Variants in STK3 observed in about 807,000 individuals in gnomAD.
STK3 encodes serine/threonine-protein kinase 3.
STK3 carries 41 observed loss-of-function variants against 58.0 expected under a neutral mutation model. That is an observed-to-expected ratio of 0.71 (90% CI 0.55 to 0.92). STK3 has a LOEUF of 0.92. STK3 is among the 40% of genes least tolerant of loss of function. The probability of loss-of-function intolerance (pLI) is 0.00; values close to 1 mark genes in which losing one functional copy is unlikely to be tolerated. For synonymous variants in STK3, 170 were observed against 191.0 expected (o/e 0.89, Z 0.91); for missense variants, 479 against 602.7 (o/e 0.79, Z 2.15).
At chr8:98,728,901 T>TATG (rs1024251409) in intron 4 of STK3, among the ~76,000 whole-genome samples, 6 of 152,152 alleles carry the variant, frequency 3.9e-5, no homozygotes, top group African/African-American at 1.4e-4. Context: ...GCAAACTTGA[T>TATG]ATGCCCTTAC....
rs777210656 is a variant in STK3, at chr8:98,723,944, A to C, written c.352-16633T>G. The stretch of plus-strand genomic sequence containing the variant: ...CAGTGTTAACAATGGTGATAACAAT[A>C]ACAGCTTGCATTTATTGAGTTCTTA... On this transcript the variant is annotated intron_variant, in intron 4 of 10. Coordinates refer to ENST00000419617, the MANE Select transcript of STK3 (RefSeq NM_006281.4). Among the ~76,000 whole-genome samples, 112 of 152,134 alleles carry C rather than the reference A, an allele frequency of 7.4e-4. 1 individual carries two copies. The highest frequency in any genetic ancestry group is 6.6e-4 in the Non-Finnish European group (45 of 68,004).
At chr8:98,347,243 G>A in the STK3 span, among the ~76,000 whole-genome samples, 26 of 151,982 alleles carry the variant, frequency 1.7e-4, no homozygotes, top group Non-Finnish European at 2.4e-4. Context: ...GGCCGGGCAC[G>A]GTGGCTCACG....
At chr8:98,385,261 G>T (rs993100676) in intron 1 of STK3, among the ~76,000 whole-genome samples, 2 of 152,152 alleles carry the variant, frequency 1.3e-5, no homozygotes, top group South Asian at 2.1e-4. Context: ...GTGGGGGTCG[G>T]GGGGAGGTCG....
chr8:98,836,128 G>T (rs897342428), intron 3 of STK3, among the ~76,000 whole-genome samples: 2 of 152,034 alleles, frequency 1.3e-5, no homozygotes, highest in Non-Finnish European at 2.9e-5. Flanking sequence ...TTGAACCCAG[G>T]AGGCAGAGGT....
intron 1 of STK3, among the ~76,000 whole-genome samples, chr8:98,819,949 T>A (rs1834779479): frequency 6.6e-6 from 1 of 152,188 alleles, no homozygotes; most frequent in African/African-American, 2.4e-5. Context: ...ATCTGCTATC[T>A]CTCTCCATTC....
At chr8:98,623,927 CTGT>C (rs1818518643) in intron 6 of STK3, among the ~76,000 whole-genome samples, 1 of 152,210 alleles carries the variant, frequency 6.6e-6, no homozygotes, top group Admixed American at 6.5e-5. Flanking sequence ...AGAAAATAAA[CTGT>C]TGTTGTTTAA....
At chr8:98,752,552 G>A (rs1018918879) in intron 3 of STK3, among the ~76,000 whole-genome samples, 12 of 151,916 alleles carry the variant, frequency 7.9e-5, no homozygotes, top group Non-Finnish European at 1.2e-4. Context: ...AAGATTTCAC[G>A]ACAAAGACAC....
In STK3 at chr8:98,708,448, G is replaced by A. The variant is rs569131509; in HGVS notation, c.352-1137C>T. ...TAACCCTTCCAAGTTCTGGACTTCT[G>A]ACCTAATATTGAGAACTCAGAAGAA... On this transcript the variant is annotated intron_variant, in intron 4 of 10. Transcript: ENST00000419617. Among the ~76,000 whole-genome samples, 2 of 152,012 alleles carry A rather than the reference G, an allele frequency of 1.3e-5. 1 individual carries two copies. The highest frequency in any genetic ancestry group is 4.2e-4 in the South Asian group (2 of 4,812).
chr8:98,841,650 C>G (rs952782386), intron 3 of STK3, among the ~76,000 whole-genome samples: 1 of 141,284 alleles, frequency 7.1e-6, no homozygotes, highest in Non-Finnish European at 1.5e-5. Flanking sequence ...CCACTGCACC[C>G]CAGTCTGGGC....
At chr8:98,707,748 C>T (rs1307154757) in intron 4 of STK3, among the ~76,000 whole-genome samples, 1 of 151,992 alleles carries the variant, frequency 6.6e-6, no homozygotes, top group African/African-American at 2.4e-5. Context: ...CAGGAAAATG[C>T]TAAAGGGGTA....
In STK3 at chr8:98,778,401, G is replaced by A. The variant is rs1587595996; in HGVS notation, c.27-3582C>T. Among the ~76,000 whole-genome samples, 4 of 151,720 alleles carry A rather than the reference G, an allele frequency of 2.6e-5. No individual in the cohort carries two copies. The South Asian group carries it at 8.3e-4, about 32-fold the overall frequency. On this transcript the variant is annotated intron_variant, in intron 1 of 10. Coordinates refer to ENST00000419617, the MANE Select transcript of STK3 (RefSeq NM_006281.4). The stretch of plus-strand genomic sequence containing the variant: ...AACAACAGGTGCTGGAGAGGATGTG[G>A]AGAAATAGGAACACTTTTACACTGT...
intron 6 of STK3, among the ~76,000 whole-genome samples, chr8:98,681,515 A>G (rs1823645333): frequency 1.3e-5 from 2 of 152,184 alleles, no homozygotes; most frequent in Admixed American, 6.5e-5. Flanking sequence ...TTTTCAACCA[A>G]TCAAAACCAG....
At chr8:98,937,252 T>A (rs145503011) in intron 1 of STK3, among the ~76,000 whole-genome samples, 1 of 152,068 alleles carries the variant, frequency 6.6e-6, no homozygotes, top group Admixed American at 6.5e-5. Context: ...AGTCAGGAAG[T>A]GAGAATCAGC....
intron 1 of STK3, among the ~76,000 whole-genome samples, chr8:98,912,405 C>T (rs187468069): frequency 6.4e-4 from 88 of 137,484 alleles, no homozygotes; most frequent in African/African-American, 1.5e-3. Context: ...CAATAACAAA[C>T]GAAAAAAAAA....
chr8:98,419,347 C>T (rs574161113), intron 3 of STK3, among the ~76,000 whole-genome samples: 8 of 151,724 alleles, frequency 5.3e-5, no homozygotes, highest in African/African-American at 1.9e-4. Context: ...GGCAACAGAG[C>T]GAGACTCCAT....
intron 9 of STK3, among the ~76,000 whole-genome samples, chr8:98,541,271 G>A (rs1245481346): frequency 1.3e-5 from 2 of 152,104 alleles, no homozygotes; most frequent in Admixed American, 6.5e-5. Context: ...ATTGGATCAC[G>A]GGGGTAGTTT....
chr8:98,410,356 T>C (rs545778435), intron 3 of STK3, among the ~76,000 whole-genome samples: 2 of 152,342 alleles, frequency 1.3e-5, no homozygotes, highest in South Asian at 2.1e-4. Flanking sequence ...GCTGTTCAGA[T>C]TGGGGACCCC....
At chr8:98,659,156 T>C (rs1361428967) in intron 6 of STK3, among the ~76,000 whole-genome samples, 1 of 152,088 alleles carries the variant, frequency 6.6e-6, no homozygotes, top group East Asian at 1.9e-4. Flanking sequence ...ATTTCCATCA[T>C]TAAGCAATGC....
chr8:98,386,617 A>G (rs751656158), intron 1 of STK3, among the ~76,000 whole-genome samples: 96 of 152,338 alleles, frequency 6.3e-4, no homozygotes, highest in Middle Eastern at 3.4e-3. Context: ...AGGAAATAAA[A>G]CAGAAAAGCC....
Sources: allele counts gnomAD v4.1 joint callset (sites outside exome capture counted in the v4.1 genomes callset), GRCh38; gene constraint gnomAD v4.1.1; transcripts MANE v1.5; gene names NCBI Gene and HGNC (gene_info 2026-07-23, HGNC 2026-07-21).